The following GMDS variants were observed in gnomAD, a reference collection of about 807,000 sequenced individuals.
GMDS encodes the protein GDP-mannose 4,6-dehydratase.
In GMDS, 20 loss-of-function variants were observed where a neutral mutation model predicts 49.9. The ratio of observed to expected loss-of-function variants is 0.40; its 90% CI spans 0.28 to 0.58. The LOEUF (loss-of-function observed/expected upper bound fraction) is 0.58. Among genes scored for constraint, GMDS ranks in the 20% least tolerant of loss-of-function variants. The pLI, the probability that GMDS is intolerant of heterozygous loss-of-function variation, is 0.42. For missense variants in GMDS, 362 were observed against 481.4 expected (o/e 0.75, Z 2.32); for synonymous variants, 177 against 178.6 (o/e 0.99, Z 0.07).
intron 6 of GMDS, among the ~76,000 whole-genome samples, chr6:1,933,923 C>T (rs1170010352): frequency 1.3e-5 from 2 of 152,108 alleles, no homozygotes; most frequent in Admixed American, 6.5e-5. Context: ...GTGGCAGATG[C>T]TTTTGGTGTC....
chr6:1,737,884 C>A (rs546141520), intron 8 of GMDS, among the ~76,000 whole-genome samples: 1 of 147,116 alleles, frequency 6.8e-6, no homozygotes, highest in African/African-American at 2.5e-5. Flanking sequence ...TACATACACA[C>A]GCAACCCCAC....
intron 9 of GMDS, among the ~76,000 whole-genome samples, chr6:1,652,669 TATAA>T (rs1763736424): frequency 1.2e-4 from 3 of 25,034 alleles, no homozygotes; most frequent in African/African-American, 2.9e-4. Flanking sequence ...ATATAATATA[TATAA>T]TATATATTAT....
chr6:2,111,852 T>C (rs1774563178), intron 4 of GMDS, among the ~76,000 whole-genome samples: 1 of 152,220 alleles, frequency 6.6e-6, no homozygotes, highest in African/African-American at 2.4e-5. Flanking sequence ...AAATTAACTA[T>C]AAGAAACAAA....
At chr6:1,880,349 T>C (rs996097926) in intron 7 of GMDS, among the ~76,000 whole-genome samples, 9 of 147,256 alleles carry the variant, frequency 6.1e-5, no homozygotes, top group African/African-American at 2.3e-4. Context: ...CCCCAGCTAC[T>C]CAGGAGGTTG....
At chr6:1,855,659 T>A (rs538725077) in intron 7 of GMDS, among the ~76,000 whole-genome samples, 3 of 152,216 alleles carry the variant, frequency 2.0e-5, no homozygotes, top group East Asian at 3.9e-4. Flanking sequence ...CTGGACCAAG[T>A]GATAAAAATG....
intron 7 of GMDS, among the ~76,000 whole-genome samples, chr6:1,825,924 G>A (rs751115950): frequency 2.0e-5 from 3 of 152,158 alleles, no homozygotes; most frequent in Non-Finnish European, 4.4e-5. Context: ...GCTGAGGCAC[G>A]AGGATCACTT....
intron 4 of GMDS, among the ~76,000 whole-genome samples, chr6:2,021,273 G>T (rs1340461013): frequency 6.6e-6 from 1 of 152,182 alleles, no homozygotes; most frequent in Non-Finnish European, 1.5e-5. Context: ...ATTCTAAGGA[G>T]CCAAATGCTG....
intron 7 of GMDS, among the ~76,000 whole-genome samples, chr6:1,877,997 A>T (rs1001834179): frequency 3.9e-5 from 6 of 152,182 alleles, no homozygotes; most frequent in African/African-American, 1.2e-4. Context: ...TGTAACATAT[A>T]ACTGTATGTA....
At chr6:2,143,773 C>T (rs1374264943) in intron 1 of GMDS, among the ~76,000 whole-genome samples, 1 of 152,122 alleles carries the variant, frequency 6.6e-6, no homozygotes. Flanking sequence ...TGGTTAAATC[C>T]AGCCTTTTTA....
intron 4 of GMDS, among the ~76,000 whole-genome samples, chr6:2,068,429 G>T (rs1199989597): frequency 1.3e-5 from 2 of 152,086 alleles, no homozygotes; most frequent in African/African-American, 4.8e-5. Context: ...AATTAGGCAG[G>T]AGAAGGAAAT....
chr6:1,939,955 A>C (rs1762740749), intron 6 of GMDS, among the ~76,000 whole-genome samples: 1 of 152,182 alleles, frequency 6.6e-6, no homozygotes, highest in African/African-American at 2.4e-5. Flanking sequence ...CCTACTAGGG[A>C]CAGTTCTACT....
intron 4 of GMDS, among the ~76,000 whole-genome samples, chr6:2,009,696 T>A (rs992196726): frequency 6.6e-6 from 1 of 152,246 alleles, no homozygotes; most frequent in South Asian, 2.1e-4. Flanking sequence ...AGATGAAAAC[T>A]GGTAAAGATA....
In GMDS at chr6:1,670,821, G is replaced by A. The variant is rs567631837; in HGVS notation, c.988-46281C>T. On this transcript the variant is annotated intron_variant, in intron 9 of 10. Transcript: ENST00000380815. ...CATCTGCAGGTCAAACCATGGCCTC[G>A]GGTAAGTACCTAGTACGTTTTTAAA... 1.2e-3 allele frequency among the ~76,000 whole-genome samples: 189 copies of A among 152,234 alleles called. No homozygotes were observed. In the Middle Eastern group the frequency reaches 0.017, roughly 14 times the overall value.
intron 4 of GMDS, among the ~76,000 whole-genome samples, chr6:2,048,935 T>C (rs533590659): frequency 1.3e-5 from 2 of 152,252 alleles, no homozygotes; most frequent in African/African-American, 4.8e-5. Flanking sequence ...AGATGGGCCT[T>C]TGGGAGGTAA....
chr6:1,936,115 T>A (rs1762518149), intron 6 of GMDS, among the ~76,000 whole-genome samples: 1 of 152,214 alleles, frequency 6.6e-6, no homozygotes, highest in Non-Finnish European at 1.5e-5. Flanking sequence ...ATGTTAGTTA[T>A]GCATAATTCT....
intron 9 of GMDS, among the ~76,000 whole-genome samples, chr6:1,671,433 C>T (rs1764418159): frequency 6.6e-6 from 1 of 152,040 alleles, no homozygotes; most frequent in Non-Finnish European, 1.5e-5. Flanking sequence ...AAAACAACAC[C>T]CACCCCCACG....
intron 9 of GMDS, among the ~76,000 whole-genome samples, chr6:1,693,827 C>A (rs1231389560): frequency 6.6e-6 from 1 of 152,140 alleles, no homozygotes; most frequent in African/African-American, 2.4e-5. Context: ...TTACTGAGCA[C>A]GTGCTATGTA....
intron 9 of GMDS, among the ~76,000 whole-genome samples, chr6:1,686,790 G>A (rs910003768): frequency 6.6e-6 from 1 of 152,192 alleles, no homozygotes; most frequent in African/African-American, 2.4e-5. Context: ...GGCTGGCAAT[G>A]CTTTATAAAA....
chr6:2,145,254 A>T (rs1237423081), intron 1 of GMDS, among the ~76,000 whole-genome samples: 1 of 152,106 alleles, frequency 6.6e-6, no homozygotes, highest in Non-Finnish European at 1.5e-5. Flanking sequence ...AAATTTTTAG[A>T]CCGGGCACGG....
Sources: gnomAD v4.1 joint callset for allele counts (sites outside exome capture counted in the v4.1 genomes callset) on GRCh38, gnomAD v4.1.1 for gene constraint, MANE v1.5 for transcripts, NCBI Gene and HGNC (gene_info 2026-07-23, HGNC 2026-07-21) for gene names.